The following SERTAD2 variants were observed in gnomAD, a reference collection of about 807,000 sequenced individuals.
The protein encoded by SERTAD2 is SERTA domain-containing protein 2.
In SERTAD2, 2 loss-of-function variants were observed where a neutral mutation model predicts 15.4. The ratio of observed to expected loss-of-function variants is 0.13; its 90% CI spans 0.05 to 0.41. The LOEUF is 0.41. Ranked by LOEUF, SERTAD2 falls within the 10% of genes least tolerant of loss-of-function variation. The probability of loss-of-function intolerance (pLI) is 0.99; values close to 1 mark genes in which losing one functional copy is unlikely to be tolerated. For synonymous variants in SERTAD2, 180 were observed against 178.0 expected (o/e 1.01, Z -0.09); for missense variants, 333 against 409.7 (o/e 0.81, Z 1.62).
intron 1 of SERTAD2, chr2:64,645,055 A>C (rs1674869347): frequency 6.7e-6 from 1 of 149,598 alleles, no homozygotes; most frequent in Admixed American, 6.6e-5. Flanking sequence ...AAAAAAAAAA[A>C]CACCAAAGCT....
intron 1 of SERTAD2, among the ~76,000 whole-genome samples, chr2:64,649,119 C>T (rs1283898955): frequency 6.6e-6 from 1 of 152,220 alleles, no homozygotes; most frequent in Non-Finnish European, 1.5e-5. Context: ...GCTGCCAGCT[C>T]GATATCTCAT....
chr2:64,649,519 C>A (rs1237209788), intron 1 of SERTAD2, among the ~76,000 whole-genome samples: 5 of 152,222 alleles, frequency 3.3e-5, no homozygotes, highest in African/African-American at 1.2e-4. Flanking sequence ...TTCCCCTTTA[C>A]TATTCTATGG....
intron 1 of SERTAD2, among the ~76,000 whole-genome samples, chr2:64,639,491 T>C (rs892038513): frequency 1.5e-4 from 23 of 152,232 alleles, no homozygotes; most frequent in African/African-American, 5.5e-4. Context: ...TGTCCGTAAG[T>C]GTAAAACAAA....
In SERTAD2 at chr2:64,634,601, A is replaced by G. The variant is rs1039324552; in HGVS notation, c.*1326T>C. On this transcript the variant is annotated 3_prime_UTR_variant, in exon 2 of 2. Transcript: ENST00000313349. ...CAAGCTCACTGTGGTGATCACGAAG[A>G]TGCCATTTTCAGCTCTTAGCAACAC... The G allele has an allele frequency of 3.3e-5, 5 of 151,556 alleles. No individual in the cohort carries two copies. Among genetic ancestry groups the G allele is most frequent in the Non-Finnish European group, 7.4e-5 (5 of 67,698 alleles). The allele number at this position is 151,556 out of a possible 1,614,324, so 9.4% of individuals were successfully genotyped here.
At chr2:64,650,864 G>A (rs1674994800) in intron 1 of SERTAD2, among the ~76,000 whole-genome samples, 2 of 152,152 alleles carry the variant, frequency 1.3e-5, no homozygotes, top group Admixed American at 6.5e-5. Flanking sequence ...TTATTGTGAG[G>A]CCATTTTCAT....
chr2:64,641,840 C>G (rs1387796101), intron 1 of SERTAD2, among the ~76,000 whole-genome samples: 1 of 152,174 alleles, frequency 6.6e-6, no homozygotes, highest in Non-Finnish European at 1.5e-5. Context: ...GCTCTCCCAT[C>G]CTTCACTTCT....
chr2:64,635,698 C>G lies in SERTAD2; in HGVS notation c.*229G>C, dbSNP rs1422395420. On this transcript the variant is annotated 3_prime_UTR_variant, in exon 2 of 2. Coordinates refer to ENST00000313349, the MANE Select transcript of SERTAD2 (RefSeq NM_014755.3). ...GTCTTCAAATGGATTCTTTCCTATA[C>G]CAGGGTAGTAGGTCTCTGAGGAACC... is the stretch of plus-strand genomic sequence containing the variant. The G allele has an allele frequency of 2.2e-6, 1 of 464,604 alleles. No homozygotes were observed. The highest frequency in any genetic ancestry group is 3.8e-6 in the Non-Finnish European group (1 of 260,230). The allele number at this position is 464,604 out of a possible 1,614,324, so 28.8% of individuals were successfully genotyped here.
At chr2:64,652,100 A>C (rs893906870) in intron 1 of SERTAD2, among the ~76,000 whole-genome samples, 2 of 152,216 alleles carry the variant, frequency 1.3e-5, no homozygotes, top group African/African-American at 4.8e-5. Flanking sequence ...GAAAACTTTT[A>C]AACATTTGTC....
chr2:64,640,672 G>A (rs1674756029), intron 1 of SERTAD2, among the ~76,000 whole-genome samples: 2 of 152,084 alleles, frequency 1.3e-5, no homozygotes, highest in Non-Finnish European at 2.9e-5. Flanking sequence ...TCACGAAAGG[G>A]GGGCCTGTGA....
rs2104333178 is a variant in SERTAD2, at chr2:64,632,224, T to C, written c.*3703A>G. 6.6e-6 allele frequency: 1 copy of C among 151,738 alleles called. No individual in the cohort carries two copies. 9.4% of individuals were successfully genotyped at this position (151,738 alleles called of 1,614,324 possible). ...TAAGACAATTCGTATAGAGTAGCAA[T>C]TGCTGCACGAAGTAGAGTCTTTTTT... is the stretch of plus-strand genomic sequence containing the variant. On this transcript the variant is annotated 3_prime_UTR_variant, in exon 2 of 2. Transcript: ENST00000313349.
At chr2:64,645,018 G>A (rs1674863904) in intron 1 of SERTAD2, 1 of 143,294 alleles carries the variant, frequency 7.0e-6, no homozygotes, top group African/African-American at 2.6e-5. Flanking sequence ...AACTCATGAA[G>A]TTCTATGGAT....
At chr2:64,645,365 T>G (rs1295860107) in intron 1 of SERTAD2, among the ~76,000 whole-genome samples, 1 of 145,588 alleles carries the variant, frequency 6.9e-6, no homozygotes, top group Non-Finnish European at 1.5e-5. Flanking sequence ...TCCTCCCGGC[T>G]TTCTTGACAG....
In SERTAD2 at chr2:64,632,309, T is replaced by A. The variant is rs777593838; in HGVS notation, c.*3618A>T. 4 of 152,572 alleles carry A rather than the reference T, an allele frequency of 2.6e-5. No homozygotes were observed. Among genetic ancestry groups the A allele is most frequent in the Admixed American group, 1.3e-4 (2 of 15,280 alleles). The allele number at this position is 152,572 out of a possible 1,614,324, so 9.5% of individuals were successfully genotyped here. A position where few individuals can be genotyped will look rare whatever the true frequency, so the allele number is the denominator to read the frequency against. On this transcript the variant is annotated 3_prime_UTR_variant, in exon 2 of 2. Transcript: ENST00000313349. The stretch of plus-strand genomic sequence containing the variant: ...GCCCTGCGGTATTCATAATTCATTG[T>A]TTACCACAAAGGTGGTTCATAAATT...
intron 1 of SERTAD2, among the ~76,000 whole-genome samples, chr2:64,651,331 A>T (rs1013548391): frequency 6.6e-6 from 1 of 152,218 alleles, no homozygotes; most frequent in African/African-American, 2.4e-5. Flanking sequence ...CACTGATAAT[A>T]AAAGTAGCAT....
In SERTAD2 at chr2:64,636,569, T is replaced by G. The variant is rs761541851; in HGVS notation, c.303A>C (p.Arg101=). 1.9e-6 allele frequency: 3 copies of G among 1,593,796 alleles called. No homozygotes were observed. The highest frequency in any genetic ancestry group is 1.7e-6 in the Non-Finnish European group (2 of 1,168,694). Residue 101 remains arginine (R), a synonymous_variant, in exon 2 of 2, where the codon CGA becomes CGC. Transcript: ENST00000313349. ...GGTGGCTGAAGGCCGGCGGGGCCTC[T>G]CGGTAGCTGTCGCTGGGCTCGGTGG... ...QPTTEPSDSY[R]EAPPAFSHLA...
rs184358178 is a variant in SERTAD2 at position 64,643,782 on chromosome 2, C to T, written c.-4-6907G>A. Among the ~76,000 whole-genome samples, 822 of 152,240 alleles carry T rather than the reference C, an allele frequency of 5.4e-3. 5 individuals are homozygous for T. The highest frequency in any genetic ancestry group is 0.018 in the African/African-American group (744 of 41,538). The stretch of plus-strand genomic sequence containing the variant: ...TCAGGAGGCTGAGGCAGGAGAATGG[C>T]GTGAACCCGGGAGGCGGAGTTTGCA... On this transcript the variant is annotated intron_variant, in intron 1 of 1. Transcript: ENST00000313349.
chr2:64,643,611 G>A (rs1674824016), intron 1 of SERTAD2, among the ~76,000 whole-genome samples: 2 of 152,240 alleles, frequency 1.3e-5, no homozygotes. Context: ...GCTCACGCCT[G>A]TAATCCCAGC....
intron 1 of SERTAD2, among the ~76,000 whole-genome samples, chr2:64,645,484 T>C (rs1342205234): frequency 2.0e-5 from 3 of 152,256 alleles, no homozygotes; most frequent in African/African-American, 7.2e-5. Flanking sequence ...GGGGTTGTTT[T>C]CTAAAGTCCA....
intron 1 of SERTAD2, among the ~76,000 whole-genome samples, chr2:64,647,736 T>C (rs1674935891): frequency 6.6e-6 from 1 of 151,564 alleles, no homozygotes; most frequent in Non-Finnish European, 1.5e-5. Context: ...AAATATAAGG[T>C]TTTAGAACAA....
Sources: allele counts gnomAD v4.1 joint callset (sites outside exome capture counted in the v4.1 genomes callset), GRCh38; gene constraint gnomAD v4.1.1; transcripts MANE v1.5; gene names NCBI Gene and HGNC (gene_info 2026-07-23, HGNC 2026-07-21).